SEZ6L: variants seen among roughly 807,000 people sequenced by gnomAD.
SEZ6L encodes seizure related 6 homolog like.
SEZ6L carries 37 observed loss-of-function variants against 106.2 expected under a neutral mutation model. The ratio of observed to expected loss-of-function variants is 0.35; its 90% CI spans 0.27 to 0.46. The LOEUF is 0.46. Ranked by LOEUF, SEZ6L falls within the 20% of genes least tolerant of loss-of-function variation. The pLI, the probability that SEZ6L is intolerant of heterozygous loss-of-function variation, is 1.00. For missense variants in SEZ6L, 1,172 were observed against 1,332.8 expected (o/e 0.88, Z 1.88); for synonymous variants, 541 against 570.4 (o/e 0.95, Z 0.73).
intron 12 of SEZ6L, among the ~76,000 whole-genome samples, chr22:26,360,911 A>AC (rs1703150973): frequency 6.6e-6 from 1 of 152,072 alleles, no homozygotes; most frequent in South Asian, 2.1e-4. Context: ...AAAAACAAAA[A>AC]CAAAAAAAAC....
chr22:26,296,910 A>G lies in SEZ6L; in HGVS notation c.992A>G (p.Asp331Gly), dbSNP rs1287570848. 2 of 1,611,036 alleles carry G rather than the reference A, an allele frequency of 1.2e-6. No individual in the cohort carries two copies. The highest frequency in any genetic ancestry group is 1.7e-6 in the Non-Finnish European group (2 of 1,178,378). The change falls in exon 4 of 17, where the codon GAT (aspartate) becomes GGT (glycine). Residue 331 changes from aspartate (D) to glycine (G), a missense_variant. Physicochemically the swap from Asp to Gly is moderately conservative, Grantham distance 94. Transcript: ENST00000248933. ...CAGGTGAAGAGTGTGAACCTGTCCGATGGGGAACTGCTCTCCATCCGCGGG... is the reference window on the plus strand; with the variant it reads ...CAGGTGAAGAGTGTGAACCTGTCCGGTGGGGAACTGCTCTCCATCCGCGGG... ...ELQVKSVNLSDGELLSIRGVD... is the reference protein window; with the variant it reads ...ELQVKSVNLSGGELLSIRGVD...
intron 12 of SEZ6L, among the ~76,000 whole-genome samples, chr22:26,357,325 G>T (rs1312216772): frequency 6.6e-6 from 1 of 152,156 alleles, no homozygotes; most frequent in Non-Finnish European, 1.5e-5. Flanking sequence ...GAAAGTTTGG[G>T]AACCCTGGCA....
Position 26,219,492 on chromosome 22 carries a change from C to T in SEZ6L, c.94+49729C>T, listed in dbSNP as rs1218299847. On this transcript the variant is annotated intron_variant, in intron 1 of 16. Transcript: ENST00000248933. ...CTTGCTTCTTTATTTTCCATACGGA[C>T]TCTTGTCTCAGACTTCAAGAACCTA... is the stretch of plus-strand genomic sequence containing the variant. Among the ~76,000 whole-genome samples the T allele has an allele frequency of 3.3e-5, 5 of 152,084 alleles. No individual in the cohort carries two copies. In the East Asian group the frequency reaches 9.6e-4, roughly 29 times the overall value.
chr22:26,234,281 C>A (rs541726489), intron 1 of SEZ6L, among the ~76,000 whole-genome samples: 1 of 152,226 alleles, frequency 6.6e-6, no homozygotes, highest in East Asian at 1.9e-4. Flanking sequence ...TTTGTGTGAT[C>A]CCAAAGCCCA....
chr22:26,332,988 G>C (rs1415604336), intron 9 of SEZ6L, among the ~76,000 whole-genome samples: 1 of 152,216 alleles, frequency 6.6e-6, no homozygotes, highest in African/African-American at 2.4e-5. Flanking sequence ...TTGAATGCTT[G>C]ATACTTGGCG....
intron 1 of SEZ6L, among the ~76,000 whole-genome samples, chr22:26,237,013 G>A (rs370094598): frequency 3.3e-5 from 5 of 152,100 alleles, no homozygotes; most frequent in East Asian, 3.9e-4. Flanking sequence ...AGCTGCCACT[G>A]ACCATCCAGG....
chr22:26,289,883 G>A (rs1260457268), intron 1 of SEZ6L, among the ~76,000 whole-genome samples: 2 of 152,178 alleles, frequency 1.3e-5, no homozygotes, highest in Admixed American at 1.3e-4. Context: ...CTTTGTCCCC[G>A]TGATGTAATT....
rs80181036 is a variant in SEZ6L at position 26,271,034 on chromosome 22, G to A, written c.95-21372G>A. Among the ~76,000 whole-genome samples, 642 of 152,334 alleles carry A rather than the reference G, an allele frequency of 4.2e-3. 7 individuals are homozygous for A. The highest frequency in any genetic ancestry group is 0.014 in the African/African-American group (601 of 41,574). On this transcript the variant is annotated intron_variant, in intron 1 of 16. Coordinates refer to ENST00000248933, the MANE Select transcript of SEZ6L (RefSeq NM_021115.5). ...ATGAAGCGTGGCCAGTCGACCCTCAGAAGATGACAATTTGTCTTAGAATAA... is the reference window on the plus strand; with the variant it reads ...ATGAAGCGTGGCCAGTCGACCCTCAAAAGATGACAATTTGTCTTAGAATAA...
In SEZ6L at chr22:26,286,034, C is replaced by A. The variant is rs1300891667; in HGVS notation, c.95-6372C>A. On this transcript the variant is annotated intron_variant, in intron 1 of 16. Transcript: ENST00000248933. ...AACAATCAAGGCAGGTTGGGCGAGTCTTTATAGTGGAGTCTGAAGTATAAG... is the reference window on the plus strand; with the variant it reads ...AACAATCAAGGCAGGTTGGGCGAGTATTTATAGTGGAGTCTGAAGTATAAG... 9.2e-5 allele frequency among the ~76,000 whole-genome samples: 14 copies of A among 152,268 alleles called. No individual in the cohort carries two copies. The South Asian group carries it at 2.3e-3, about 25-fold the overall frequency.
intron 1 of SEZ6L, among the ~76,000 whole-genome samples, chr22:26,223,431 T>C (rs558500226): frequency 2.0e-5 from 3 of 152,366 alleles, no homozygotes; most frequent in Admixed American, 6.5e-5. Flanking sequence ...CAGTCTATTT[T>C]TAATTATATT....
At chr22:26,351,453 T>G (rs2083275770) in intron 12 of SEZ6L, 3 of 487,950 alleles carry the variant, frequency 6.1e-6, no homozygotes, top group Non-Finnish European at 1.1e-5. Flanking sequence ...GCTCTAAGTC[T>G]TCTACCAAAT....
intron 1 of SEZ6L, among the ~76,000 whole-genome samples, chr22:26,264,254 A>G (rs1288796382): frequency 6.6e-6 from 1 of 152,234 alleles, no homozygotes; most frequent in Non-Finnish European, 1.5e-5. Flanking sequence ...GAGAGTTCTG[A>G]GGTTGACAAC....
chr22:26,234,514 T>C (rs768488072), intron 1 of SEZ6L, among the ~76,000 whole-genome samples: 1 of 152,220 alleles, frequency 6.6e-6, no homozygotes, highest in Non-Finnish European at 1.5e-5. Context: ...AACGAACGTC[T>C]TGCTCTCTGG....
At chr22:26,249,139 A>G (rs2079476479) in intron 1 of SEZ6L, among the ~76,000 whole-genome samples, 2 of 152,210 alleles carry the variant, frequency 1.3e-5, no homozygotes, top group South Asian at 4.1e-4. Flanking sequence ...CAGCATATCT[A>G]TCACCTCGAA....
chr22:26,223,475 A>G (rs2078541463), intron 1 of SEZ6L, among the ~76,000 whole-genome samples: 1 of 152,154 alleles, frequency 6.6e-6, no homozygotes, highest in Non-Finnish European at 1.5e-5. Context: ...GTTTAATTTC[A>G]AGCACAAATT....
chr22:26,232,000 C>A (rs976155249), intron 1 of SEZ6L, among the ~76,000 whole-genome samples: 2 of 152,132 alleles, frequency 1.3e-5, no homozygotes, highest in Non-Finnish European at 1.5e-5. Flanking sequence ...TGGGGCACTG[C>A]AACAGACCTG....
chr22:26,191,295 A>T (rs2205977), intron 1 of SEZ6L, among the ~76,000 whole-genome samples: 28 of 152,286 alleles, frequency 1.8e-4, no homozygotes, highest in Admixed American at 1.2e-3. Context: ...TGTATGCTCA[A>T]TGCAGCACTA....
At chr22:26,234,293 G>A (rs975660235) in intron 1 of SEZ6L, among the ~76,000 whole-genome samples, 3 of 152,144 alleles carry the variant, frequency 2.0e-5, no homozygotes, top group Non-Finnish European at 4.4e-5. Context: ...CAAAGCCCAC[G>A]CTCTCTTGGC....
At chr22:26,364,452 G>A (rs1048437832) in intron 12 of SEZ6L, among the ~76,000 whole-genome samples, 92 of 149,050 alleles carry the variant, frequency 6.2e-4, no homozygotes, top group African/African-American at 2.2e-3. Flanking sequence ...AAAAAGCCGA[G>A]TGTGGCGGGA....
Sources: allele counts gnomAD v4.1 joint callset (sites outside exome capture counted in the v4.1 genomes callset), GRCh38; gene constraint gnomAD v4.1.1; transcripts MANE v1.5; gene names NCBI Gene and HGNC (gene_info 2026-07-23, HGNC 2026-07-21).